Variants in EFNA5 observed in about 807,000 individuals in gnomAD.
EFNA5 encodes ephrin A5, also known as ephrin-A5.
Under a neutral mutation model 22.9 loss-of-function variants are expected in EFNA5, and 5 were observed. The ratio of observed to expected loss-of-function variants is 0.22; its 90% confidence interval spans 0.11 to 0.46. The LOEUF is 0.46. EFNA5 is among the 20% of genes least tolerant of loss of function. The probability of loss-of-function intolerance (pLI) is 0.99; values close to 1 mark genes in which losing one functional copy is unlikely to be tolerated. For missense variants in EFNA5, 237 were observed against 293.3 expected (o/e 0.81, Z 1.40); for synonymous variants, 113 against 112.2 (o/e 1.01, Z -0.04).
intron 1 of EFNA5, among the ~76,000 whole-genome samples, chr5:107,437,262 C>CATG: frequency 6.6e-6 from 1 of 152,266 alleles, no homozygotes; most frequent in Middle Eastern, 3.4e-3. Flanking sequence ...AATGCTAGGG[C>CATG]ATGATAATAA....
At chr5:107,602,044 T>G (rs1749608297) in intron 1 of EFNA5, among the ~76,000 whole-genome samples, 1 of 152,178 alleles carries the variant, frequency 6.6e-6, no homozygotes, top group African/African-American at 2.4e-5. Context: ...TACTCCGAAT[T>G]TAACGCTGGT....
intron 1 of EFNA5, among the ~76,000 whole-genome samples, chr5:107,433,551 A>G (rs934738559): frequency 3.5e-4 from 54 of 152,210 alleles, no homozygotes; most frequent in African/African-American, 1.1e-3. Flanking sequence ...ACCTGATGAC[A>G]TTCCATTATA....
chr5:107,530,903 T>A (rs1747797330), intron 1 of EFNA5, among the ~76,000 whole-genome samples: 1 of 152,212 alleles, frequency 6.6e-6, no homozygotes, highest in South Asian at 2.1e-4. Flanking sequence ...GGACATTGCC[T>A]CTCCTGTAAA....
intron 1 of EFNA5, among the ~76,000 whole-genome samples, chr5:107,581,227 T>C (rs1305263665): frequency 6.6e-6 from 1 of 152,192 alleles, no homozygotes; most frequent in Non-Finnish European, 1.5e-5. Flanking sequence ...TGGAACAAAC[T>C]AATACAGGTT....
chr5:107,627,360 C>T (rs1306464726), intron 1 of EFNA5, among the ~76,000 whole-genome samples: 1 of 152,188 alleles, frequency 6.6e-6, no homozygotes, highest in Admixed American at 6.5e-5. Context: ...TCAGAACTAT[C>T]TTCTTTCTCA....
chr5:107,642,934 G>GAA (rs34467356), intron 1 of EFNA5, among the ~76,000 whole-genome samples: 42 of 133,766 alleles, frequency 3.1e-4, no homozygotes, highest in African/African-American at 6.2e-4. Context: ...TTCCTCACCT[G>GAA]AAAAAAAAAA....
At chr5:107,410,023 T>G (rs979637288) in intron 2 of EFNA5, among the ~76,000 whole-genome samples, 2,633 of 12,312 alleles carry the variant, frequency 0.21, 31 homozygotes, top group Middle Eastern at 0.31. Context: ...GACATGATTC[T>G]TTTTTTTTTT....
intron 2 of EFNA5, among the ~76,000 whole-genome samples, chr5:107,420,610 T>C (rs923713353): frequency 1.3e-5 from 2 of 151,844 alleles, no homozygotes; most frequent in Admixed American, 6.6e-5. Flanking sequence ...TTTGATGTTA[T>C]GTATTCCTAG....
At chr5:107,649,858 GTATTTCC>G (rs1750694966) in intron 1 of EFNA5, among the ~76,000 whole-genome samples, 2 of 152,118 alleles carry the variant, frequency 1.3e-5, no homozygotes, top group Admixed American at 1.3e-4. Flanking sequence ...AAATAGATTA[GTATTTCC>G]ATATATAAAT....
chr5:107,595,505 A>G (rs1749454508), intron 1 of EFNA5, among the ~76,000 whole-genome samples: 1 of 152,230 alleles, frequency 6.6e-6, no homozygotes, highest in Non-Finnish European at 1.5e-5. Flanking sequence ...ATAATTTAAT[A>G]AATATTATTT....
At chr5:107,518,175 T>C (rs549797080) in intron 1 of EFNA5, among the ~76,000 whole-genome samples, 99 of 148,462 alleles carry the variant, frequency 6.7e-4, no homozygotes, top group African/African-American at 2.2e-3. Flanking sequence ...ATTTAGAAAA[T>C]AAAAGGGTTT....
chr5:107,585,993 AAG>A (rs1411015340), intron 1 of EFNA5, among the ~76,000 whole-genome samples: 1 of 152,208 alleles, frequency 6.6e-6, no homozygotes, highest in African/African-American at 2.4e-5. Context: ...AGATCACTCA[AAG>A]AGAAAAATCA....
intron 1 of EFNA5, among the ~76,000 whole-genome samples, chr5:107,496,534 T>C (rs985374507): frequency 7.0e-6 from 1 of 141,932 alleles, no homozygotes; most frequent in East Asian, 2.2e-4. Context: ...ATCACAACGC[T>C]ACCTACATGT....
At chr5:107,539,684 C>G (rs1260304900) in intron 1 of EFNA5, among the ~76,000 whole-genome samples, 4 of 152,078 alleles carry the variant, frequency 2.6e-5, no homozygotes, top group Non-Finnish European at 5.9e-5. Flanking sequence ...GTCTCAAACT[C>G]CTGACCTCAT....
intron 1 of EFNA5, among the ~76,000 whole-genome samples, chr5:107,443,747 A>G (rs1048313764): frequency 1.3e-5 from 2 of 152,180 alleles, no homozygotes; most frequent in African/African-American, 4.8e-5. Context: ...CATTAGGAAA[A>G]GTACCTAATG....
At chr5:107,423,991 G>C (rs1228763661) in intron 2 of EFNA5, among the ~76,000 whole-genome samples, 1 of 152,048 alleles carries the variant, frequency 6.6e-6, no homozygotes, top group African/African-American at 2.4e-5. Context: ...TTGAGGATAA[G>C]GCAAATGTTG....
chr5:107,562,827 A>C (rs2112478853), intron 1 of EFNA5, among the ~76,000 whole-genome samples: 1 of 152,354 alleles, frequency 6.6e-6, no homozygotes, highest in African/African-American at 2.4e-5. Context: ...TTGGTGTATG[A>C]GCTTATAAAG....
intron 1 of EFNA5, among the ~76,000 whole-genome samples, chr5:107,648,907 T>G (rs1053982040): frequency 6.6e-6 from 1 of 152,180 alleles, no homozygotes; most frequent in African/African-American, 2.4e-5. Context: ...TTAGTTCCTC[T>G]TAACTGAAAA....
rs1421064725 is a variant in EFNA5 at position 107,494,484 on chromosome 5, G to A, written c.126-66975C>T. ...CTGGGCCTTAGCTGCCTTCCCGTGG[G>A]GCTGGGCTTGGGACCTGCAGCCCGC... is the stretch of plus-strand genomic sequence containing the variant. On this transcript the variant is annotated intron_variant, in intron 1 of 4. Transcript: ENST00000333274. Among the ~76,000 whole-genome samples, 4 of 152,336 alleles carry A rather than the reference G, an allele frequency of 2.6e-5. 1 individual carries two copies. The highest frequency in any genetic ancestry group is 9.6e-5 in the African/African-American group (4 of 41,594).
Sources: gnomAD v4.1 joint callset for allele counts (sites outside exome capture counted in the v4.1 genomes callset) on GRCh38, gnomAD v4.1.1 for gene constraint, MANE v1.5 for transcripts, NCBI Gene and HGNC (gene_info 2026-07-23, HGNC 2026-07-21) for gene names.